CNTN4: variants seen among roughly 807,000 people sequenced by gnomAD.
CNTN4 encodes contactin-4.
CNTN4 carries 77 observed loss-of-function variants against 122.5 expected under a neutral mutation model. The observed-to-expected ratio is 0.63, with a 90% confidence interval of 0.52 to 0.76. CNTN4 has a LOEUF of 0.76. CNTN4 is among the 30% of genes least tolerant of loss of function. The probability of loss-of-function intolerance (pLI) is 0.00; values close to 1 mark genes in which losing one functional copy is unlikely to be tolerated. For synonymous variants in CNTN4, 512 were observed against 447.0 expected (o/e 1.15, Z -1.83); for missense variants, 1,256 against 1,259.1 (o/e 1.00, Z 0.04).
chr3:2,135,853 A>G (rs1439230104), intron 2 of CNTN4, among the ~76,000 whole-genome samples: 1 of 152,222 alleles, frequency 6.6e-6, no homozygotes, highest in Non-Finnish European at 1.5e-5. Context: ...GAGGCAAGCC[A>G]GTGCTCTTAA....
chr3:2,717,759 C>T (rs1323563658), intron 4 of CNTN4, among the ~76,000 whole-genome samples: 1 of 150,232 alleles, frequency 6.7e-6, no homozygotes, highest in Non-Finnish European at 1.5e-5. Flanking sequence ...CCACTAGCAA[C>T]ATTTGAGCCT....
Position 2,709,547 on chromosome 3 carries a change from C to G in CNTN4, c.56-26668C>G, listed in dbSNP as rs1411117994. Among the ~76,000 whole-genome samples, 1 of 152,150 alleles carries G rather than the reference C, an allele frequency of 6.6e-6. No individual in the cohort carries two copies. The highest frequency in any genetic ancestry group is 2.4e-5 in the African/African-American group (1 of 41,426). On this transcript the variant is annotated intron_variant, in intron 4 of 24. Coordinates refer to ENST00000418658, the MANE Select transcript of CNTN4 (RefSeq NM_175607.3). The surrounding 1 kb of genome is among the most constrained non-coding windows in gnomAD (Gnocchi z 5.0). ...AAAGATTTATGCCAGACTTCTAGAC[C>G]AGTCTCCTTTCCAATTCCATAAAAT...
chr3:2,200,529 C>T (rs1022891455), intron 2 of CNTN4, among the ~76,000 whole-genome samples: 6 of 152,102 alleles, frequency 3.9e-5, no homozygotes, highest in African/African-American at 1.4e-4. Flanking sequence ...AAACATCTTA[C>T]AATGTACAGG....
intron 6 of CNTN4, among the ~76,000 whole-genome samples, chr3:2,782,694 C>G (rs1042388458): frequency 1.3e-5 from 2 of 152,138 alleles, no homozygotes; most frequent in African/African-American, 2.4e-5. Flanking sequence ...AACAACTTCA[C>G]TTTGAAAATC....
At chr3:2,105,027 A>G in intron 2 of CNTN4, among the ~76,000 whole-genome samples, 1 of 152,178 alleles carries the variant, frequency 6.6e-6, no homozygotes, top group Non-Finnish European at 1.5e-5. Context: ...TTTCCTGTCC[A>G]CAGTAATTGC....
At chr3:2,602,596 A>T (rs986319803) in intron 4 of CNTN4, among the ~76,000 whole-genome samples, 3 of 152,232 alleles carry the variant, frequency 2.0e-5, no homozygotes, top group Non-Finnish European at 2.9e-5. Context: ...AAGAGGACAC[A>T]AACAACTGGA....
intron 3 of CNTN4, among the ~76,000 whole-genome samples, chr3:2,442,700 G>T (rs148017955): frequency 3.3e-4 from 50 of 152,062 alleles, no homozygotes; most frequent in Non-Finnish European, 6.5e-4. Flanking sequence ...CTATTATGTG[G>T]ACCTTAAGCT....
intron 6 of CNTN4, among the ~76,000 whole-genome samples, chr3:2,753,812 C>G (rs2090207737): frequency 1.3e-5 from 2 of 152,222 alleles, no homozygotes; most frequent in South Asian, 4.1e-4. Flanking sequence ...TGTAGGTATT[C>G]TTGATGCCAT....
intron 4 of CNTN4, among the ~76,000 whole-genome samples, chr3:2,649,946 T>A (rs1489752151): frequency 6.6e-5 from 10 of 151,208 alleles, no homozygotes; most frequent in African/African-American, 2.4e-4. Flanking sequence ...CTGACCAACA[T>A]GGTGAAACCC....
chr3:2,917,265 C>T (rs57604910), intron 12 of CNTN4, among the ~76,000 whole-genome samples: 4,055 of 151,242 alleles, frequency 0.027, 168 homozygotes, highest in African/African-American at 0.094. Context: ...AGTCCAGCTT[C>T]GGCATCAGAG....
At chr3:2,557,031 T>C (rs2078748425) in intron 3 of CNTN4, among the ~76,000 whole-genome samples, 1 of 152,206 alleles carries the variant, frequency 6.6e-6, no homozygotes. Flanking sequence ...TAAAGCAACT[T>C]AAACTATTTA....
At chr3:2,137,573 G>GTA (rs2034756868) in intron 2 of CNTN4, among the ~76,000 whole-genome samples, 1 of 152,174 alleles carries the variant, frequency 6.6e-6, no homozygotes. Flanking sequence ...AGTTATATTT[G>GTA]TGAGTTATTG....
At chr3:2,560,237 C>T (rs1415797553) in intron 3 of CNTN4, among the ~76,000 whole-genome samples, 1 of 151,666 alleles carries the variant, frequency 6.6e-6, no homozygotes, top group Non-Finnish European at 1.5e-5. Flanking sequence ...ATTTCCCAGG[C>T]TCAGGTGATT....
intron 14 of CNTN4, chr3:2,988,710 T>C (rs1382738535): frequency 1.9e-6 from 1 of 526,968 alleles, no homozygotes; most frequent in African/African-American, 1.9e-5. Context: ...ATTATAGCCA[T>C]TGTATCTCTT....
chr3:2,862,734 C>T (rs893130354), intron 7 of CNTN4, among the ~76,000 whole-genome samples: 3 of 151,944 alleles, frequency 2.0e-5, no homozygotes, highest in East Asian at 1.9e-4. Context: ...TACACTTTTG[C>T]GAGTTGCAGC....
chr3:3,034,553 G>A, intron 16 of CNTN4, 79 bp from the exon 17 acceptor site: 1 of 1,393,538 alleles, frequency 7.2e-7, no homozygotes, highest in Non-Finnish European at 1.0e-6. Flanking sequence ...ATGGGTCAAT[G>A]CCCCATTCAA....
Position 3,034,728 on chromosome 3 carries a change from T to G in CNTN4, c.1880T>G (p.Ile627Ser). ...CCCGGGCCTGACAACCACAGCCCCA[T>G]CACCATGTATGTCATTCAAGCCAGG... ...WRPGPDNHSP[I>S]TMYVIQARTP... The change falls in exon 17 of 25, where the codon ATC becomes AGC. Residue 627 changes from isoleucine to serine, a missense_variant. Coordinates refer to ENST00000418658, the MANE Select transcript of CNTN4 (RefSeq NM_175607.3). 6.2e-7 allele frequency: 1 copy of G among 1,613,998 alleles called. No individual in the cohort carries two copies. Among genetic ancestry groups the G allele is most frequent in the Non-Finnish European group, 8.5e-7 (1 of 1,179,984 alleles).
At chr3:2,438,677 A>G (rs570289509) in intron 3 of CNTN4, among the ~76,000 whole-genome samples, 99 of 152,322 alleles carry the variant, frequency 6.5e-4, no homozygotes, top group African/African-American at 2.4e-3. Flanking sequence ...ATGACTCAGT[A>G]CAGTTAATGA....
chr3:2,562,327 C>T (rs2078991589), intron 3 of CNTN4, among the ~76,000 whole-genome samples: 1 of 152,062 alleles, frequency 6.6e-6, no homozygotes, highest in Admixed American at 6.6e-5. Context: ...GACCCTATCA[C>T]CCAAGCAGTG....
Sources: gnomAD v4.1 joint callset for allele counts (sites outside exome capture counted in the v4.1 genomes callset) on GRCh38, gnomAD v4.1.1 for gene constraint, Gnocchi (gnomAD v3.1) non-coding constraint, MANE v1.5 for transcripts, NCBI Gene and HGNC (gene_info 2026-07-23, HGNC 2026-07-21) for gene names.